The following PKN2 variants were observed in gnomAD, a reference collection of about 807,000 sequenced individuals.
PKN2 encodes protein kinase N2.
Under a neutral mutation model 119.1 loss-of-function variants are expected in PKN2, and 38 were observed. The observed-to-expected ratio is 0.32, with a 90% CI of 0.25 to 0.42. The LOEUF (loss-of-function observed/expected upper bound fraction) is 0.42, where lower values mean the gene tolerates loss of function less well. Ranked by LOEUF, PKN2 falls within the 10% of genes least tolerant of loss-of-function variation. PKN2 has a pLI of 1.00. For missense variants in PKN2, 850 were observed against 1,165.1 expected (o/e 0.73, Z 3.94); for synonymous variants, 390 against 384.9 (o/e 1.01, Z -0.15).
intron 4 of PKN2, 69 bp downstream of exon 4, chr1:88,770,538 C>A: frequency 1.2e-6 from 1 of 833,678 alleles, no homozygotes; most frequent in Non-Finnish European, 2.1e-6. Flanking sequence ...AGGAACAGGG[C>A]AGTGGTTCAA....
At chr1:88,830,452 C>A (rs1439977006) in intron 19 of PKN2, among the ~76,000 whole-genome samples, 1 of 152,092 alleles carries the variant, frequency 6.6e-6, no homozygotes, top group Non-Finnish European at 1.5e-5. Context: ...CTCCCCACCC[C>A]CTTCCTTTAT....
At chr1:88,709,076 CAG>C (rs1667119236) in intron 1 of PKN2, among the ~76,000 whole-genome samples, 1 of 150,470 alleles carries the variant, frequency 6.6e-6, no homozygotes. Flanking sequence ...TTTTTTGAGA[CAG>C]AGTTTTGTTC....
intron 8 of PKN2, among the ~76,000 whole-genome samples, chr1:88,798,255 T>C (rs916885315): frequency 6.6e-6 from 1 of 151,608 alleles, no homozygotes; most frequent in South Asian, 2.1e-4. Flanking sequence ...TTATTAAATA[T>C]ATAATATAAA....
chr1:88,788,452 T>C (rs1016146783), intron 8 of PKN2, among the ~76,000 whole-genome samples: 8 of 151,844 alleles, frequency 5.3e-5, no homozygotes, highest in African/African-American at 1.7e-4. Flanking sequence ...TTTTTTTTTT[T>C]CTTCTTTCTT....
intron 10 of PKN2, 73 bp downstream of exon 10, chr1:88,804,994 T>G: frequency 1.4e-6 from 1 of 708,894 alleles, no homozygotes; most frequent in Non-Finnish European, 2.4e-6. Flanking sequence ...TAAAAAGTAA[T>G]AGCCATCTGT....
chr1:88,735,595 A>T (rs1307176454), intron 1 of PKN2, among the ~76,000 whole-genome samples: 1 of 32,576 alleles, frequency 3.1e-5, no homozygotes, highest in Admixed American at 3.1e-4. Context: ...TTCTTGGTTG[A>T]CAGCCCACCC....
chr1:88,691,386 A>G (rs931243379), intron 1 of PKN2, among the ~76,000 whole-genome samples: 4 of 152,132 alleles, frequency 2.6e-5, no homozygotes, highest in South Asian at 2.1e-4. Flanking sequence ...TATTTTACAC[A>G]TTAATCATAC....
intron 8 of PKN2, among the ~76,000 whole-genome samples, chr1:88,802,792 G>A (rs1331088176): frequency 6.6e-6 from 1 of 152,184 alleles, no homozygotes; most frequent in South Asian, 2.1e-4. Context: ...GTGTAAAAGT[G>A]TAATAAGAAC....
intron 15 of PKN2, among the ~76,000 whole-genome samples, chr1:88,810,845 G>A (rs1283542370): frequency 6.6e-6 from 1 of 152,046 alleles, no homozygotes; most frequent in Admixed American, 6.6e-5. Context: ...GACCTCAGGT[G>A]ATCCACCCGC....
chr1:88,747,452 G>A (rs1668814117), intron 2 of PKN2, among the ~76,000 whole-genome samples: 1 of 152,102 alleles, frequency 6.6e-6, no homozygotes, highest in Admixed American at 6.5e-5. Context: ...GTGATGGTTA[G>A]CTGAGGCTAA....
In PKN2 at chr1:88,834,278, G is replaced by C. The variant is rs1672853519; in HGVS notation, c.*830G>C. On this transcript the variant is annotated 3_prime_UTR_variant, in exon 22 of 22. Transcript: ENST00000370521. ...TGTTCAGTCATATCTTTCAGAATCA[G>C]TGAACCGATTACCCTTTTTTTGGTA... is the stretch of plus-strand genomic sequence containing the variant. 1 of 152,264 alleles carries C rather than the reference G, an allele frequency of 6.6e-6. No homozygotes were observed. Among genetic ancestry groups the C allele is most frequent in the Non-Finnish European group, 1.5e-5 (1 of 67,948 alleles). 9.4% of individuals were successfully genotyped at this position (152,264 alleles called of 1,614,324 possible). A position where few individuals can be genotyped will look rare whatever the true frequency, so the allele number is the denominator to read the frequency against.
At chr1:88,755,236 A>G (rs1030344169) in intron 2 of PKN2, among the ~76,000 whole-genome samples, 1 of 152,174 alleles carries the variant, frequency 6.6e-6, no homozygotes, top group African/African-American at 2.4e-5. Flanking sequence ...TTTAAGAAAT[A>G]TACTGGCAAC....
chr1:88,835,692 G>A lies in PKN2; in HGVS notation c.*2244G>A. On this transcript the variant is annotated 3_prime_UTR_variant, in exon 22 of 22. Transcript: ENST00000370521. ...AGGATATTTTAGAATGGTACACTAT[G>A]CATTCAAATGAAATGTGCCTTTCAC... The A allele has an allele frequency of 6.6e-6, 1 of 152,326 alleles. No homozygotes were observed. Among genetic ancestry groups the A allele is most frequent in the East Asian group, 1.9e-4 (1 of 5,196 alleles). The allele number at this position is 152,326 out of a possible 1,614,324, so 9.4% of individuals were successfully genotyped here.
chr1:88,728,296 C>A (rs1323265407), intron 1 of PKN2, among the ~76,000 whole-genome samples: 1 of 152,178 alleles, frequency 6.6e-6, no homozygotes, highest in Middle Eastern at 3.4e-3. Flanking sequence ...TTCAAGCAGG[C>A]ACATGTTTCT....
At chr1:88,695,268 GATTAATTAAA>G (rs1054103850) in intron 1 of PKN2, among the ~76,000 whole-genome samples, 12 of 151,982 alleles carry the variant, frequency 7.9e-5, no homozygotes, top group African/African-American at 2.2e-4. Flanking sequence ...AATCAAATAT[GATTAATTAAA>G]ATTAATTAAA....
intron 1 of PKN2, among the ~76,000 whole-genome samples, chr1:88,727,130 A>T (rs553316768): frequency 6.9e-6 from 1 of 144,242 alleles, no homozygotes; most frequent in Admixed American, 6.8e-5. Flanking sequence ...TGTATTGTTA[A>T]TGTCATCTTG....
intron 1 of PKN2, among the ~76,000 whole-genome samples, chr1:88,687,813 T>C (rs1271087428): frequency 6.6e-6 from 1 of 152,206 alleles, no homozygotes; most frequent in Non-Finnish European, 1.5e-5. Context: ...GATGACAAGA[T>C]AGGTTTTTGC....
At chr1:88,697,451 T>C (rs1666586357) in intron 1 of PKN2, among the ~76,000 whole-genome samples, 1 of 152,230 alleles carries the variant, frequency 6.6e-6, no homozygotes, top group Non-Finnish European at 1.5e-5. Flanking sequence ...TTGTTTCTTC[T>C]ACTTCTGTAT....
At chr1:88,731,305 G>A (rs578142487) in intron 1 of PKN2, among the ~76,000 whole-genome samples, 7 of 152,280 alleles carry the variant, frequency 4.6e-5, no homozygotes, top group Non-Finnish European at 1.0e-4. Context: ...TTCCTTTTGA[G>A]GCACAGAATG....
Sources: gnomAD v4.1 joint callset for allele counts (sites outside exome capture counted in the v4.1 genomes callset) on GRCh38, gnomAD v4.1.1 for gene constraint, MANE v1.5 for transcripts, NCBI Gene and HGNC (gene_info 2026-07-23, HGNC 2026-07-21) for gene names.